SNX29: variants seen among roughly 807,000 people sequenced by gnomAD.
SNX29 encodes sorting nexin-29.
SNX29 carries 78 observed loss-of-function variants against 102.1 expected under a neutral mutation model. That is an observed-to-expected ratio of 0.76 (90% CI 0.64 to 0.92). The LOEUF (loss-of-function observed/expected upper bound fraction) is 0.92, where lower values mean the gene tolerates loss of function less well. Ranked by LOEUF, SNX29 falls within the 40% of genes least tolerant of loss-of-function variation. The probability of loss-of-function intolerance (pLI) is 0.00; values close to 1 mark genes in which losing one functional copy is unlikely to be tolerated. For missense variants in SNX29, 1,280 were observed against 1,061.7 expected, an observed-to-expected ratio of 1.21 and a Z score of -2.86; for synonymous variants, 580 against 414.5, an observed-to-expected ratio of 1.40 and a Z score of -4.85.
At chr16:12,431,692 A>T (rs4781237) in intron 18 of SNX29, among the ~76,000 whole-genome samples, 72,631 of 151,928 alleles carry the variant, frequency 0.48, 17,465 homozygotes, top group East Asian at 0.65. Context: ...AATGATCATG[A>T]AGAAAACTTC....
chr16:12,021,184 T>C (rs2057009511), intron 3 of SNX29, among the ~76,000 whole-genome samples: 1 of 152,176 alleles, frequency 6.6e-6, no homozygotes, highest in Non-Finnish European at 1.5e-5. Context: ...CCCAGCACTT[T>C]GGGAGGCTGA....
At chr16:12,069,759 C>T (rs1703538) in intron 10 of SNX29, among the ~76,000 whole-genome samples, 6,440 of 152,244 alleles carry the variant, frequency 0.042, 447 homozygotes, top group African/African-American at 0.15. Flanking sequence ...GGCGCAATCT[C>T]GGCTCACCGC....
intron 18 of SNX29, among the ~76,000 whole-genome samples, chr16:12,447,831 T>C (rs570591253): frequency 3.3e-5 from 5 of 152,222 alleles, no homozygotes; most frequent in Non-Finnish European, 5.9e-5. Flanking sequence ...GAGCCCTCTC[T>C]TCCCTGTACC....
chr16:12,549,665 G>T (rs2077841502), intron 20 of SNX29, among the ~76,000 whole-genome samples: 1 of 152,214 alleles, frequency 6.6e-6, no homozygotes, highest in Admixed American at 6.5e-5. Context: ...GCTTGAGGCA[G>T]TCCCAAGGCC....
chr16:12,491,330 G>A (rs1039663015), intron 19 of SNX29, among the ~76,000 whole-genome samples: 16 of 152,184 alleles, frequency 1.1e-4, no homozygotes, highest in African/African-American at 3.4e-4. Flanking sequence ...TCATCAACTT[G>A]CCTAGCTCTT....
intron 4 of SNX29, among the ~76,000 whole-genome samples, chr16:12,034,529 C>G (rs2057422344): frequency 3.3e-5 from 5 of 152,172 alleles, no homozygotes; most frequent in Admixed American, 3.3e-4. Flanking sequence ...GTGTGTTATC[C>G]TGGGTCACTG....
chr16:12,445,165 G>T (rs1627867), intron 18 of SNX29, among the ~76,000 whole-genome samples: 38,693 of 150,364 alleles, frequency 0.26, 5,326 homozygotes, highest in African/African-American at 0.38. Flanking sequence ...GTTTTTTTTT[G>T]TTTTTGAATA....
At chr16:12,075,977 G>T (rs144358729) in intron 10 of SNX29, among the ~76,000 whole-genome samples, 2,123 of 152,350 alleles carry the variant, frequency 0.014, 16 homozygotes, top group Middle Eastern at 0.051. Context: ...AGCCAGGTGC[G>T]GGATATAATC....
intron 14 of SNX29, among the ~76,000 whole-genome samples, chr16:12,260,620 C>A (rs1276478113): frequency 9.6e-6 from 1 of 104,420 alleles, no homozygotes; most frequent in African/African-American, 3.6e-5. Flanking sequence ...CCTTCTCCGT[C>A]TGCTTGCTCT....
intron 11 of SNX29, among the ~76,000 whole-genome samples, chr16:12,120,953 G>A (rs2053947405): frequency 6.6e-6 from 1 of 152,210 alleles, no homozygotes; most frequent in Non-Finnish European, 1.5e-5. Context: ...TCTGTGCCGA[G>A]GCCTTGAACT....
At chr16:11,976,901 G>T in intron 1 of SNX29, 88 bp downstream of exon 1, 5 of 1,279,632 alleles carry the variant, frequency 3.9e-6, no homozygotes, top group Non-Finnish European at 4.9e-6. Context: ...GCGTCCTCGC[G>T]CCCCGCTCCC....
chr16:12,206,386 A>AG (rs2077044905), intron 14 of SNX29, among the ~76,000 whole-genome samples: 1 of 128,938 alleles, frequency 7.8e-6, no homozygotes, highest in Non-Finnish European at 1.6e-5. Flanking sequence ...ATAGCTTTCA[A>AG]AAAAAAAAAA....
intron 20 of SNX29, among the ~76,000 whole-genome samples, chr16:12,530,782 C>G (rs556475733): frequency 6.6e-6 from 1 of 152,314 alleles, no homozygotes; most frequent in African/African-American, 2.4e-5. Context: ...TCTCAAACTC[C>G]TGACCTCCAG....
At chr16:12,055,076 T>C (rs2050464113) in intron 8 of SNX29, among the ~76,000 whole-genome samples, 1 of 152,088 alleles carries the variant, frequency 6.6e-6, no homozygotes. Context: ...TTCAGGGCTT[T>C]CTAGAGAAAC....
chr16:12,230,684 TG>T (rs139521038), intron 14 of SNX29, among the ~76,000 whole-genome samples: 1 of 152,268 alleles, frequency 6.6e-6, no homozygotes, highest in African/African-American at 2.4e-5. Flanking sequence ...TGAGTTAGGT[TG>T]GGGGGAAAAT....
chr16:12,465,375 A>T (rs1229611847), intron 18 of SNX29, among the ~76,000 whole-genome samples: 1 of 152,138 alleles, frequency 6.6e-6, no homozygotes, highest in African/African-American at 2.4e-5. Context: ...AATCTATTTC[A>T]TGATAATTTT....
At position 12,078,993 on chromosome 16, in the gene SNX29, C is replaced by G. The variant is rs142867659; in HGVS notation, c.1402+78C>G. On this transcript the variant is annotated intron_variant, in intron 11 of 20. Coordinates refer to ENST00000566228, the MANE Select transcript of SNX29 (RefSeq NM_032167.5). ...GTCTCATGGCGGTGCCTTTGTGCTT[C>G]TAACCCTGTGACTGTGGGTTCACGT... 4.6e-5 allele frequency: 60 copies of G among 1,291,716 alleles called. No individual in the cohort carries two copies. The East Asian group carries it at 1.4e-3, about 30-fold the overall frequency. 80.0% of individuals were successfully genotyped at this position (1,291,716 alleles called of 1,614,324 possible).
intron 4 of SNX29, among the ~76,000 whole-genome samples, chr16:12,041,848 C>T (rs988089082): frequency 4.6e-5 from 7 of 151,992 alleles, no homozygotes; most frequent in Non-Finnish European, 8.8e-5. Flanking sequence ...GAGCTTAGGA[C>T]GTCGATATGT....
intron 20 of SNX29, among the ~76,000 whole-genome samples, chr16:12,540,914 G>T (rs1216429358): frequency 6.6e-6 from 1 of 152,178 alleles, no homozygotes; most frequent in African/African-American, 2.4e-5. Context: ...TGACAGCCCT[G>T]TCTGTTCACC....
Sources: allele counts gnomAD v4.1 joint callset (sites outside exome capture counted in the v4.1 genomes callset), GRCh38; gene constraint gnomAD v4.1.1; transcripts MANE v1.5; gene names NCBI Gene and HGNC (gene_info 2026-07-23, HGNC 2026-07-21).